CASP4: variants seen among roughly 807,000 people sequenced by gnomAD.
CASP4 encodes the protein caspase-4.
Under a neutral mutation model 41.3 loss-of-function variants are expected in CASP4, and 29 were observed. The ratio of observed to expected loss-of-function variants is 0.70; its 90% CI spans 0.52 to 0.96. CASP4 has a LOEUF of 0.96. CASP4 is among the 40% of genes least tolerant of loss of function. The pLI, the probability that CASP4 is intolerant of heterozygous loss-of-function variation, is 0.00. For synonymous variants in CASP4, 185 were observed against 158.4 expected (o/e 1.17, Z -1.26); for missense variants, 447 against 460.6 (o/e 0.97, Z 0.27).
chr11:104,951,186 T>C (rs1860603974), intron 3 of CASP4, 88 bp from the exon 4 acceptor site: 1 of 1,109,836 alleles, frequency 9.0e-7, no homozygotes. Flanking sequence ...TTTCAAGTCT[T>C]CATGCAGCTC....
chr11:104,953,184 C>T (rs954308684), intron 2 of CASP4, among the ~76,000 whole-genome samples: 2 of 152,058 alleles, frequency 1.3e-5, no homozygotes, highest in African/African-American at 4.8e-5. Flanking sequence ...CAGACTGCTG[C>T]CCAAAGAGAG....
Position 104,948,528 on chromosome 11 carries a change from C to T in CASP4, c.925+5G>A. 1 of 1,596,336 alleles carries T rather than the reference C, an allele frequency of 6.3e-7. No individual in the cohort carries two copies. Among genetic ancestry groups the T allele is most frequent in the Non-Finnish European group, 8.6e-7 (1 of 1,169,094 alleles). ...AATCCCTTACTGCCACTGAAAGATA[C>T]ATACGTGGCGTTGAAGAGCAGAAAG... On this transcript the variant is annotated splice_donor_5th_base_variant and intron_variant, in intron 6 of 8. Transcript: ENST00000444739.
intron 1 of CASP4, among the ~76,000 whole-genome samples, chr11:104,962,291 A>G (rs1015398194): frequency 1.3e-5 from 2 of 152,154 alleles, no homozygotes; most frequent in Non-Finnish European, 1.5e-5. Context: ...GTATGCCAGC[A>G]AAAAGTGTAA....
Position 104,944,848 on chromosome 11 carries a change from G to A in CASP4, c.1039C>T (p.Gln347Ter), listed in dbSNP as rs148710034. The A allele has an allele frequency of 3.5e-4, 557 of 1,607,652 alleles. 2 individuals carry two copies. Among genetic ancestry groups the A allele is most frequent in the Non-Finnish European group, 1.7e-4 (199 of 1,174,348 alleles). The change falls in exon 8 of 9, where the codon CAG (glutamine) becomes TAG (stop). Residue 347 changes from glutamine (Q) to a stop codon, truncating the protein, a stop_gained. Transcript: ENST00000444739. LOFTEE classifies it high-confidence loss of function. ...GCCCTTGGAGTTTCAAATGATTGCT[G>A]TACCTGAAAAAGAAAATAGGCTGTA... ...CHLEEVFRKV[Q>*]QSFETPRAKA...
chr11:104,959,524 A>G (rs1247402917), intron 1 of CASP4, among the ~76,000 whole-genome samples: 3 of 152,224 alleles, frequency 2.0e-5, no homozygotes, highest in Admixed American at 2.0e-4. Context: ...TATATGCTTA[A>G]AAGAATAAAT....
rs145281493 is a variant in CASP4, at chr11:104,965,536, A to G, written c.7+2983T>C. ...TAACTGAGGTAATTACGACAGTGAA[A>G]GAAATAAGACCTAACCAACTCTATC... On this transcript the variant is annotated intron_variant, in intron 1 of 8. Transcript: ENST00000444739. Among the ~76,000 whole-genome samples the G allele has an allele frequency of 1.0e-2, 1,518 of 152,350 alleles. 26 individuals carry two copies. The highest frequency in any genetic ancestry group is 0.034 in the African/African-American group (1,398 of 41,572).
At chr11:104,958,783 A>G (rs1860793353) in intron 1 of CASP4, among the ~76,000 whole-genome samples, 1 of 151,990 alleles carries the variant, frequency 6.6e-6, no homozygotes, top group Non-Finnish European at 1.5e-5. Flanking sequence ...CAACATGGTA[A>G]AACCCTGCTT....
intron 7 of CASP4, 82 bp from the exon 8 acceptor site, chr11:104,944,933 C>T (rs1860419469): frequency 1.1e-6 from 1 of 950,118 alleles, no homozygotes; most frequent in South Asian, 1.4e-5. Flanking sequence ...CCAGACAACA[C>T]CTGGAATGAA....
At chr11:104,944,667 C>G in intron 8 of CASP4, 81 bp downstream of exon 8, 1 of 877,624 alleles carries the variant, frequency 1.1e-6, no homozygotes, top group Non-Finnish European at 1.9e-6. Context: ...AAGTACTCAG[C>G]TGTCATTTGT....
At chr11:104,961,510 G>T (rs1860858545) in intron 1 of CASP4, among the ~76,000 whole-genome samples, 3 of 151,956 alleles carry the variant, frequency 2.0e-5, no homozygotes, top group Admixed American at 2.0e-4. Context: ...CCATTGCAGG[G>T]TGTCTGTAGC....
intron 3 of CASP4, 23 bp from the exon 4 acceptor site, chr11:104,951,121 A>C: frequency 6.2e-7 from 1 of 1,602,444 alleles, no homozygotes; most frequent in South Asian, 1.1e-5. Flanking sequence ...GAGATGCAAT[A>C]AATTTAATTT....
intron 1 of CASP4, among the ~76,000 whole-genome samples, chr11:104,967,141 C>T (rs547230906): frequency 2.0e-5 from 3 of 152,258 alleles, no homozygotes; most frequent in Middle Eastern, 3.4e-3. Context: ...GGATACAATT[C>T]CTCAAGAGTT....
At chr11:104,944,709 A>G (rs1326322024) in intron 8 of CASP4, 39 bp downstream of exon 8, 1 of 1,292,654 alleles carries the variant, frequency 7.7e-7, no homozygotes, top group Non-Finnish European at 1.1e-6. Context: ...TCACTCTCTT[A>G]TTTATTTCAC....
chr11:104,967,925 G>A (rs1053796097), intron 1 of CASP4, among the ~76,000 whole-genome samples: 12 of 152,088 alleles, frequency 7.9e-5, no homozygotes, highest in African/African-American at 2.7e-4. Context: ...TGTGCAGAAT[G>A]GATTGGAGAG....
chr11:104,958,821 C>T (rs771314927), intron 1 of CASP4, among the ~76,000 whole-genome samples: 7 of 151,682 alleles, frequency 4.6e-5, no homozygotes, highest in Admixed American at 1.3e-4. Context: ...ATTAGCCGAG[C>T]GTGGTGGTGG....
intron 1 of CASP4, among the ~76,000 whole-genome samples, chr11:104,963,892 T>C (rs1860915990): frequency 6.6e-6 from 1 of 152,110 alleles, no homozygotes; most frequent in Non-Finnish European, 1.5e-5. Flanking sequence ...CTTATTTAGC[T>C]TGGAAAAAAA....
At chr11:104,954,202 G>A (rs1237473030) in intron 2 of CASP4, among the ~76,000 whole-genome samples, 1 of 152,138 alleles carries the variant, frequency 6.6e-6, no homozygotes, top group Admixed American at 6.6e-5. Flanking sequence ...TATTTGTATT[G>A]TGATGCCAGC....
At chr11:104,954,645 G>C in intron 2 of CASP4, 102 bp downstream of exon 2, 1 of 1,081,414 alleles carries the variant, frequency 9.2e-7, no homozygotes, top group South Asian at 1.5e-5. Flanking sequence ...TGATAGTTTA[G>C]GAAGGGAAAG....
At chr11:104,968,162 T>C (rs1270028824) in intron 1 of CASP4, among the ~76,000 whole-genome samples, 1 of 152,012 alleles carries the variant, frequency 6.6e-6, no homozygotes, top group African/African-American at 2.4e-5. Flanking sequence ...GCGAAAAAGG[T>C]TTGTGATCTG....
Sources: gnomAD v4.1 joint callset for allele counts (sites outside exome capture counted in the v4.1 genomes callset) on GRCh38, gnomAD v4.1.1 for gene constraint, MANE v1.5 for transcripts, NCBI Gene and HGNC (gene_info 2026-07-23, HGNC 2026-07-21) for gene names.